The following KIAA1210 variants were observed in gnomAD, a reference collection of about 807,000 sequenced individuals.
KIAA1210 encodes the protein acrosomal protein KIAA1210.
KIAA1210 carries 48 observed loss-of-function variants against 78.9 expected under a neutral mutation model. The ratio of observed to expected loss-of-function variants is 0.61; its 90% CI spans 0.48 to 0.77. The LOEUF is 0.77. Ranked by LOEUF, KIAA1210 falls within the 30% of genes least tolerant of loss-of-function variation. The pLI is 0.00. For synonymous variants in KIAA1210, 406 were observed against 404.5 expected (o/e 1.00, Z -0.04); for missense variants, 1,108 against 1,100.0 (o/e 1.01, Z -0.10).
intron 2 of KIAA1210, among the ~76,000 whole-genome samples, chrX:119,137,801 A>G (rs1177056435): frequency 8.9e-6 from 1 of 112,411 alleles, no homozygotes; most frequent in Non-Finnish European, 1.9e-5. Context: ...GCTCTAGGGC[A>G]CTGGCTACAT....
chrX:119,101,589 T>G (rs1016737866), intron 6 of KIAA1210, among the ~76,000 whole-genome samples: 1 of 111,411 alleles, frequency 9.0e-6, no homozygotes, highest in African/African-American at 3.3e-5. Flanking sequence ...GTAGGGATTT[T>G]AATTCTCTGG....
chrX:119,118,312 A>G (rs1202304895), intron 2 of KIAA1210, among the ~76,000 whole-genome samples: 1 of 112,083 alleles, frequency 8.9e-6, no homozygotes, highest in Non-Finnish European at 1.9e-5. Context: ...AAATTAAAGA[A>G]TTGCACCTGA....
At chrX:119,109,578 A>T (rs1043099476) in intron 3 of KIAA1210, among the ~76,000 whole-genome samples, 3 of 111,983 alleles carry the variant, frequency 2.7e-5, no homozygotes, top group Non-Finnish European at 5.6e-5. Flanking sequence ...TAACAGTCTT[A>T]CTGAGATATA....
chrX:119,087,562 T>C lies in KIAA1210; in HGVS notation c.3140A>G (p.Asn1047Ser), dbSNP rs1312336407. Residue 1047 changes from asparagine to serine, a missense_variant, in exon 9 of 12, where the codon AAT becomes AGT. By Grantham distance (46) the Asn-to-Ser change is conservative. Around this residue, in one of 5 missense-constraint regions of KIAA1210, gnomAD observed 179 missense variants for 174.1 expected, o/e 1.03. Transcript: ENST00000691062. ...RGSDVAPLPP[N>S]LPSKSLSKPE... is the part of the protein sequence containing the mutation. Reference sequence around the variant, plus strand: ...CTTTGATAAAGATTTGGAAGGAAGATTGGGAGGCAGAGGTGCCACATCACT... The same window carrying C: ...CTTTGATAAAGATTTGGAAGGAAGACTGGGAGGCAGAGGTGCCACATCACT... 1.7e-6 allele frequency: 2 copies of C among 1,209,653 alleles called. No individual in the cohort carries two copies. Among genetic ancestry groups the C allele is most frequent in the Admixed American group, 2.2e-5 (1 of 45,727 alleles).
intron 8 of KIAA1210, among the ~76,000 whole-genome samples, chrX:119,092,759 TTAAATAAATAAA>T (rs3049064): frequency 1.9e-4 from 16 of 85,319 alleles, no homozygotes; most frequent in East Asian, 3.7e-4. Context: ...AGACTCCGTC[TTAAATAAATAAA>T]TAAATAAATA....
intron 2 of KIAA1210, among the ~76,000 whole-genome samples, chrX:119,119,211 G>A (rs1029912248): frequency 1.8e-5 from 2 of 112,563 alleles, no homozygotes; most frequent in Non-Finnish European, 3.7e-5. Flanking sequence ...GTTTATCAGG[G>A]CTGGATTCAA....
chrX:119,095,682 C>T (rs1927529984), intron 7 of KIAA1210, among the ~76,000 whole-genome samples: 1 of 112,567 alleles, frequency 8.9e-6, no homozygotes, highest in South Asian at 3.7e-4. Flanking sequence ...ACCATTGCAC[C>T]CAGCCCTAAT....
At chrX:119,127,520 A>G (rs1157311150) in intron 1 of KIAA1210, among the ~76,000 whole-genome samples, 1 of 110,797 alleles carries the variant, frequency 9.0e-6, no homozygotes, top group Non-Finnish European at 1.9e-5. Flanking sequence ...AAATCCTAAA[A>G]GCCCTGAGGC....
Position 119,113,531 on chromosome X carries a change from G to A in KIAA1210, c.230+2965C>T, listed in dbSNP as rs1310996477. On this transcript the variant is annotated intron_variant, in intron 3 of 11. Transcript: ENST00000691062. ...GAGGCAGAAAGCAGATCAGTGGTTT[G>A]AAAGAGGATAGGGGAATGGAGAATG... Among the ~76,000 whole-genome samples the A allele has an allele frequency of 2.7e-5, 3 of 111,553 alleles. No individual in the cohort carries two copies. The East Asian group carries it at 8.4e-4, about 31-fold the overall frequency.
intron 2 of KIAA1210, among the ~76,000 whole-genome samples, chrX:119,117,213 C>T (rs1366147193): frequency 3.6e-5 from 4 of 112,221 alleles, no homozygotes; most frequent in Admixed American, 1.9e-4. Context: ...AGAGTGAGTG[C>T]GGTTGGTTAG....
At position 119,086,698 on chromosome X, in the gene KIAA1210, G is replaced by A. The variant is rs750161105; in HGVS notation, c.4004C>T (p.Ser1335Phe). The change falls in exon 9 of 12, where the codon TCT becomes TTT. Residue 1335 changes from serine (S) to phenylalanine (F), a missense_variant. Transcript: ENST00000691062. The stretch of plus-strand genomic sequence containing the variant: ...TCTGATTTTATGTCCCCTGCCTACA[G>A]AGGATGAAATTGGGCCCGAGGGCAC... ...ASVPSGPISS[S>F]VGRGHKIRST... 3.3e-6 allele frequency: 4 copies of A among 1,211,735 alleles called. No homozygotes were observed. Among genetic ancestry groups the A allele is most frequent in the Non-Finnish European group, 4.5e-6 (4 of 895,447 alleles).
Position 119,092,697 on chromosome X carries a change from G to C in KIAA1210, c.955+970C>G, listed in dbSNP as rs370519320. ...AATTGCTTGAACTAGGGAGGTGGAG[G>C]TTGCAGTGAGCCGAGATCATGCCAC... On this transcript the variant is annotated intron_variant, in intron 8 of 11. Transcript: ENST00000691062. Among the ~76,000 whole-genome samples the C allele has an allele frequency of 1.5e-3, 164 of 109,322 alleles. 9 individuals are homozygous for C. Among genetic ancestry groups the C allele is most frequent in the South Asian group, 2.0e-3 (5 of 2,531 alleles). The allele number at this position is 109,322 out of a possible 115,157, so 94.9% of individuals were successfully genotyped here.
upstream of KIAA1210, among the ~76,000 whole-genome samples, chrX:119,130,414 C>A (rs190760920): frequency 8.9e-6 from 1 of 112,925 alleles, no homozygotes; most frequent in East Asian, 2.8e-4. Context: ...ACCGGCCACC[C>A]ATGCCCCATG....
intron 1 of KIAA1210, among the ~76,000 whole-genome samples, chrX:119,149,062 G>GC (rs1335178057): frequency 9.3e-6 from 1 of 107,301 alleles, no homozygotes; most frequent in Non-Finnish European, 1.9e-5. Context: ...GTGCGAGAGT[G>GC]CCCAAGGTTT....
At chrX:119,139,531 G>A (rs1033852181) in intron 2 of KIAA1210, among the ~76,000 whole-genome samples, 1 of 111,325 alleles carries the variant, frequency 9.0e-6, no homozygotes, top group African/African-American at 3.3e-5. Flanking sequence ...GTAAGCACTC[G>A]ATACATGTTC....
intron 6 of KIAA1210, among the ~76,000 whole-genome samples, chrX:119,101,545 G>C: frequency 9.0e-6 from 1 of 111,363 alleles, no homozygotes; most frequent in African/African-American, 3.3e-5. Flanking sequence ...GCACCAAGAG[G>C]TACTGGCACA....
At chrX:119,103,656 T>C (rs1390589169) in intron 6 of KIAA1210, among the ~76,000 whole-genome samples, 1 of 112,252 alleles carries the variant, frequency 8.9e-6, no homozygotes, top group African/African-American at 3.2e-5. Flanking sequence ...AGAATGTTCA[T>C]AATAGCACTA....
chrX:119,148,741 A>G lies in KIAA1210; in HGVS notation c.290-1148T>C, dbSNP rs903234003. Among the ~76,000 whole-genome samples, 5 of 111,620 alleles carry G rather than the reference A, an allele frequency of 4.5e-5. No homozygotes were observed. In the East Asian group the frequency reaches 8.5e-4, roughly 19 times the overall value. On this transcript the variant is annotated intron_variant, in intron 1 of 13. Coordinates refer to the KIAA1210 transcript ENST00000402510. ...CTCATTTGATTAGAGCAAAGTGCCA[A>G]TGAGGCTCTTGGCATGGAGTCAAGG... is the stretch of plus-strand genomic sequence containing the variant.
intron 8 of KIAA1210, among the ~76,000 whole-genome samples, chrX:119,093,363 C>T (rs1044375565): frequency 8.9e-6 from 1 of 112,384 alleles, no homozygotes; most frequent in Non-Finnish European, 1.9e-5. Context: ...TCAGCATGTA[C>T]GTTAGCCTCG....
Sources: gnomAD v4.1 joint callset for allele counts (sites outside exome capture counted in the v4.1 genomes callset) on GRCh38, gnomAD v4.1.1 for gene constraint, gnomAD v4.1.1 regional missense constraint, MANE v1.5 for transcripts, NCBI Gene and HGNC (gene_info 2026-07-23, HGNC 2026-07-21) for gene names.